SMAP2: variants seen among roughly 807,000 people sequenced by gnomAD.
SMAP2 encodes stromal membrane-associated protein 2.
A neutral mutation model predicts 56.4 loss-of-function variants in SMAP2; 25 were observed. The observed-to-expected ratio is 0.44, with a 90% confidence interval of 0.32 to 0.62. SMAP2 has a LOEUF of 0.62. Among genes scored for constraint, SMAP2 ranks in the 20% least tolerant of loss-of-function variants. The pLI is 0.04. For missense variants in SMAP2, 388 were observed against 545.6 expected (o/e 0.71, Z 2.88); for synonymous variants, 157 against 181.7 (o/e 0.86, Z 1.09).
intron 1 of SMAP2, among the ~76,000 whole-genome samples, chr1:40,405,830 CA>C (rs1170176579): frequency 9.9e-5 from 15 of 152,108 alleles, no homozygotes; most frequent in Non-Finnish European, 1.9e-4. Flanking sequence ...GTAACACTGG[CA>C]GGGGATGGGA....
At position 40,418,160 on chromosome 1, in the gene SMAP2, T is replaced by C. The variant is rs535820016; in HGVS notation, c.1164+1064T>C. ...CACCTTAAATCAGAAATTCAAAAAC[T>C]TAAAGCCAAAATGGATAAAAAACTG... On this transcript the variant is annotated intron_variant, in intron 9 of 9. Transcript: ENST00000372718. 9.1e-4 allele frequency among the ~76,000 whole-genome samples: 138 copies of C among 152,180 alleles called. 1 individual carries two copies. Among genetic ancestry groups the C allele is most frequent in the Non-Finnish European group, 4.0e-4 (27 of 67,998 alleles).
upstream of SMAP2, among the ~76,000 whole-genome samples, chr1:40,372,959 A>G (rs548358868): frequency 3.3e-4 from 50 of 152,346 alleles, no homozygotes; most frequent in African/African-American, 1.2e-3. Flanking sequence ...CCAATGAGAA[A>G]TTATCTGTAG....
Position 40,374,596 on chromosome 1 carries a change from C to CGTGT in SMAP2, c.103+399_103+402dup, listed in dbSNP as rs72258841. Reference sequence around the variant, plus strand: ...ACTGCATTGCGTGCGTGCGTGCGTGCGTGTGTGTGTGTGTGTGTGTGTGTG... The same window carrying CGTGT: ...ACTGCATTGCGTGCGTGCGTGCGTGCGTGTGTGTGTGTGTGTGTGTGTGTGTGTG... On this transcript the variant is annotated intron_variant, in intron 1 of 9. Transcript: ENST00000372718. This position sits in a 1 kb window ranked among gnomAD's most constrained non-coding sequence, Gnocchi z 5.9. The CGTGT allele has an allele frequency of 6.6e-5, 66 of 1,003,260 alleles. No individual in the cohort carries two copies. Among genetic ancestry groups the CGTGT allele is most frequent in the Admixed American group, 3.4e-4 (15 of 44,144 alleles). 62.1% of individuals were successfully genotyped at this position (1,003,260 alleles called of 1,614,324 possible).
intron 1 of SMAP2, among the ~76,000 whole-genome samples, chr1:40,376,995 C>T (rs960268193): frequency 6.6e-5 from 10 of 152,096 alleles, no homozygotes; most frequent in African/African-American, 1.2e-4. Flanking sequence ...ATTTAAACTT[C>T]GGAATAGAGG....
intron 1 of SMAP2, among the ~76,000 whole-genome samples, chr1:40,400,735 A>G (rs1025683566): frequency 3.3e-5 from 5 of 152,160 alleles, no homozygotes; most frequent in African/African-American, 9.7e-5. Flanking sequence ...CAATTTACAT[A>G]TTTACCTTTG....
intron 1 of SMAP2, among the ~76,000 whole-genome samples, chr1:40,401,624 G>C (rs1036128483): frequency 2.0e-5 from 3 of 152,152 alleles, no homozygotes; most frequent in African/African-American, 7.2e-5. Flanking sequence ...CAATCCCAGA[G>C]CCCCTCTAAT....
At chr1:40,401,416 C>T (rs1441805606) in intron 1 of SMAP2, among the ~76,000 whole-genome samples, 2 of 152,116 alleles carry the variant, frequency 1.3e-5, no homozygotes, top group East Asian at 1.9e-4. Context: ...GTAGCCTGCC[C>T]GTTGAACTTT....
chr1:40,403,102 A>C (rs1277921027), intron 1 of SMAP2, among the ~76,000 whole-genome samples: 2 of 152,182 alleles, frequency 1.3e-5, no homozygotes, highest in African/African-American at 2.4e-5. Flanking sequence ...TTAAATTTTC[A>C]TGTTGCCTAG....
At chr1:40,350,806 A>G (rs564751785) in intron 1 of SMAP2, among the ~76,000 whole-genome samples, 1 of 152,366 alleles carries the variant, frequency 6.6e-6, no homozygotes, top group East Asian at 1.9e-4. Flanking sequence ...AGGTTTAGTC[A>G]TGTGAAGAAA....
rs1199676567 is a variant in SMAP2 at position 40,414,145 on chromosome 1, T to C, written c.490-14T>C. On this transcript the variant is annotated splice_polypyrimidine_tract_variant and intron_variant, in intron 5 of 9. Transcript: ENST00000372718. Reference sequence around the variant, plus strand: ...CACCTGCTTATTTCTTGCTATAACATATTTTCACCTTAGCCACAGAAAAAA... The same window carrying C: ...CACCTGCTTATTTCTTGCTATAACACATTTTCACCTTAGCCACAGAAAAAA... 3 of 1,613,368 alleles carry C rather than the reference T, an allele frequency of 1.9e-6. No individual in the cohort carries two copies. In the East Asian group the frequency reaches 6.7e-5, roughly 36 times the overall value.
chr1:40,398,447 A>G (rs1024569232), intron 1 of SMAP2, among the ~76,000 whole-genome samples: 1 of 152,150 alleles, frequency 6.6e-6, no homozygotes, highest in Admixed American at 6.6e-5. Context: ...CTCTTTTAAT[A>G]CTGGATTTTT....
chr1:40,390,417 G>A (rs1644704831), intron 1 of SMAP2, among the ~76,000 whole-genome samples: 1 of 152,152 alleles, frequency 6.6e-6, no homozygotes, highest in African/African-American at 2.4e-5. Flanking sequence ...TCACTTAGAA[G>A]GTTTTATGTA....
intron 7 of SMAP2, 126 bp from the exon 8 acceptor site, chr1:40,416,050 G>T: frequency 1.2e-6 from 1 of 862,712 alleles, no homozygotes; most frequent in Admixed American, 2.4e-5. Context: ...AAAATGTTAG[G>T]AAGCTATTAA....
chr1:40,405,278 C>T (rs1471137290), intron 1 of SMAP2, among the ~76,000 whole-genome samples: 2 of 152,086 alleles, frequency 1.3e-5, no homozygotes, highest in Non-Finnish European at 2.9e-5. Flanking sequence ...TGTTTGAGGA[C>T]AGGAGTTCAA....
intron 3 of SMAP2, among the ~76,000 whole-genome samples, 173 bp from the exon 4 acceptor site, chr1:40,409,584 A>G (rs1464889905): frequency 6.6e-6 from 1 of 152,252 alleles, no homozygotes; most frequent in Non-Finnish European, 1.5e-5. Flanking sequence ...TAACTGTGAA[A>G]GAGGCATTTT....
intron 1 of SMAP2, among the ~76,000 whole-genome samples, chr1:40,356,907 T>C (rs754418264): frequency 1.3e-5 from 2 of 152,224 alleles, no homozygotes; most frequent in Non-Finnish European, 2.9e-5. Flanking sequence ...GCATTTCTCT[T>C]ATGATCAGTG....
chr1:40,360,700 C>T (rs1189797894), intron 1 of SMAP2, among the ~76,000 whole-genome samples: 1 of 152,158 alleles, frequency 6.6e-6, no homozygotes, highest in Non-Finnish European at 1.5e-5. Context: ...AGAAGGAGAG[C>T]ACAGTGATTG....
At chr1:40,377,594 G>C (rs915670882) in intron 1 of SMAP2, among the ~76,000 whole-genome samples, 1 of 152,178 alleles carries the variant, frequency 6.6e-6, no homozygotes, top group Non-Finnish European at 1.5e-5. Flanking sequence ...GGTAGTGATA[G>C]AACAGAGGAC....
At position 40,348,214 on chromosome 1, in the gene SMAP2, A is replaced by C. The variant is rs77862911; in HGVS notation, c.-83+3304A>C. 6.4e-3 allele frequency among the ~76,000 whole-genome samples: 976 copies of C among 152,330 alleles called. 11 individuals carry two copies. The highest frequency in any genetic ancestry group is 0.023 in the African/African-American group (947 of 41,570). On this transcript the variant is annotated intron_variant, in intron 1 of 6. Coordinates refer to the SMAP2 transcript ENST00000435168. ...AACTATAATTATTGCTTTAGGATGA[A>C]TTCTTGAAAGCAAAATATCAGACAG...
Sources: gnomAD v4.1 joint callset for allele counts (sites outside exome capture counted in the v4.1 genomes callset) on GRCh38, gnomAD v4.1.1 for gene constraint, Gnocchi (gnomAD v3.1) non-coding constraint, MANE v1.5 for transcripts, NCBI Gene and HGNC (gene_info 2026-07-23, HGNC 2026-07-21) for gene names.